Variants in GNG4 observed in about 807,000 individuals in gnomAD.
The protein encoded by GNG4 is guanine nucleotide-binding protein G(I)/G(S)/G(O) subunit gamma-4.
GNG4 carries 4 observed loss-of-function variants against 5.8 expected under a neutral mutation model. The observed-to-expected ratio is 0.69, with a 90% confidence interval of 0.34 to 1.57. The LOEUF (loss-of-function observed/expected upper bound fraction) is 1.57, where lower values mean the gene tolerates loss of function less well. Ranked by LOEUF, GNG4 falls within the 40% of genes most tolerant of loss-of-function variation. The probability of loss-of-function intolerance (pLI) is 0.06; values close to 1 mark genes in which losing one functional copy is unlikely to be tolerated. For synonymous variants in GNG4, 29 were observed against 32.9 expected (o/e 0.88, Z 0.41); for missense variants, 96 against 95.1 (o/e 1.01, Z -0.04).
At chr1:235,635,226 C>T (rs1046686181) in intron 1 of GNG4, among the ~76,000 whole-genome samples, 1 of 152,006 alleles carries the variant, frequency 6.6e-6, no homozygotes, top group Non-Finnish European at 1.5e-5. Context: ...TTTGGATATC[C>T]AAATCTCATA....
chr1:235,585,148 TCTTC>T (rs1185933590), intron 2 of GNG4, among the ~76,000 whole-genome samples: 1 of 151,656 alleles, frequency 6.6e-6, no homozygotes, highest in East Asian at 1.9e-4. Flanking sequence ...CTCCCTCTGG[TCTTC>T]CTTCCTTCCC....
At chr1:235,611,656 T>A (rs1688476470) in intron 1 of GNG4, among the ~76,000 whole-genome samples, 1 of 152,152 alleles carries the variant, frequency 6.6e-6, no homozygotes, top group South Asian at 2.1e-4. Flanking sequence ...TTTAGCATAT[T>A]TGAGAAGGGG....
intron 1 of GNG4, among the ~76,000 whole-genome samples, chr1:235,643,741 T>C (rs1007382694): frequency 1.3e-5 from 2 of 152,032 alleles, no homozygotes; most frequent in African/African-American, 4.8e-5. Flanking sequence ...ACCAGGAAGA[T>C]CACAGTGAGA....
rs1571904335 is a variant in GNG4, at chr1:235,596,155, C to T, written c.-122-644G>A. ...CTCCACTGCACTCCAGCCTGGGTGA[C>T]AGAGCGAGACTCTGTCTCAAAAACA... On this transcript the variant is annotated intron_variant, in intron 1 of 3. Coordinates refer to ENST00000391854, the MANE Select transcript of GNG4 (RefSeq NM_001098722.2). 3.3e-5 allele frequency among the ~76,000 whole-genome samples: 5 copies of T among 149,452 alleles called. No individual in the cohort carries two copies. The South Asian group carries it at 1.1e-3, about 32-fold the overall frequency.
chr1:235,576,188 G>A (rs1687479771), intron 3 of GNG4, among the ~76,000 whole-genome samples: 1 of 151,076 alleles, frequency 6.6e-6, no homozygotes, highest in Non-Finnish European at 1.5e-5. Context: ...AGCCTCCCAA[G>A]TAGCTGGGAC....
chr1:235,623,342 G>A (rs74148729), intron 1 of GNG4, among the ~76,000 whole-genome samples: 8,180 of 152,164 alleles, frequency 0.054, 446 homozygotes, highest in African/African-American at 0.14. Flanking sequence ...CTACCTGCAC[G>A]GCCACCGCTG....
chr1:235,596,889 A>AT (rs1688136640), intron 1 of GNG4, among the ~76,000 whole-genome samples: 1 of 151,520 alleles, frequency 6.6e-6, no homozygotes. Flanking sequence ...TGCCTGGCTA[A>AT]TTTTTACTTT....
chr1:235,593,265 G>A (rs1688024378), intron 2 of GNG4, among the ~76,000 whole-genome samples: 1 of 152,132 alleles, frequency 6.6e-6, no homozygotes, highest in East Asian at 1.9e-4. Flanking sequence ...GTAAAATTCT[G>A]ATGGGCTGCA....
At chr1:235,590,179 G>A (rs933927467) in intron 2 of GNG4, among the ~76,000 whole-genome samples, 1 of 152,088 alleles carries the variant, frequency 6.6e-6, no homozygotes, top group Non-Finnish European at 1.5e-5. Context: ...GAGAGGCTGG[G>A]TGTGGTGGCT....
intron 3 of GNG4, among the ~76,000 whole-genome samples, chr1:235,570,453 A>G (rs981229493): frequency 1.4e-4 from 20 of 146,716 alleles, no homozygotes; most frequent in Admixed American, 1.4e-4. Context: ...CTAGAGTGCA[A>G]TGGCATGACC....
intron 3 of GNG4, among the ~76,000 whole-genome samples, chr1:235,579,294 G>A (rs759712110): frequency 3.3e-5 from 5 of 151,800 alleles, no homozygotes; most frequent in African/African-American, 4.8e-5. Flanking sequence ...ATTCCACAAT[G>A]TATGCCTATG....
At chr1:235,573,523 A>G (rs930894842) in intron 3 of GNG4, among the ~76,000 whole-genome samples, 4 of 152,172 alleles carry the variant, frequency 2.6e-5, no homozygotes, top group African/African-American at 9.7e-5. Flanking sequence ...CACACCTGTA[A>G]TCCCAACACT....
At chr1:235,620,528 G>A (rs546569251) in intron 1 of GNG4, among the ~76,000 whole-genome samples, 8,022 of 150,572 alleles carry the variant, frequency 0.053, 422 homozygotes, top group African/African-American at 0.15. Context: ...TGTGCAGTTT[G>A]TTTGTTTGTT....
intron 3 of GNG4, among the ~76,000 whole-genome samples, chr1:235,567,967 C>G (rs1213598174): frequency 6.6e-6 from 1 of 152,122 alleles, no homozygotes; most frequent in African/African-American, 2.4e-5. Flanking sequence ...TAACCACAAA[C>G]AGGCCCTTGC....
Position 235,648,785 on chromosome 1 carries a change from G to C in GNG4, c.-123+877C>G, listed in dbSNP as rs959137854. ...GGGAGGCGACGGGTAGAGGAGAGAC[G>C]CGGCAGCCGCGGGGCCGGGGAGACG... is the stretch of plus-strand genomic sequence containing the variant. On this transcript the variant is annotated intron_variant, in intron 1 of 3. Transcript: ENST00000391854. This position sits in a 1 kb window ranked among gnomAD's most constrained non-coding sequence, Gnocchi z 5.0. Among the ~76,000 whole-genome samples, 3 of 152,238 alleles carry C rather than the reference G, an allele frequency of 2.0e-5. No individual in the cohort carries two copies. The highest frequency in any genetic ancestry group is 7.2e-5 in the African/African-American group (3 of 41,464).
At chr1:235,636,697 C>G (rs1689045959) in intron 1 of GNG4, among the ~76,000 whole-genome samples, 1 of 152,152 alleles carries the variant, frequency 6.6e-6, no homozygotes, top group Admixed American at 6.5e-5. Context: ...CCGATGAACC[C>G]CCAAAGCAGG....
chr1:235,641,992 A>G (rs761455447), intron 1 of GNG4, among the ~76,000 whole-genome samples: 1 of 152,264 alleles, frequency 6.6e-6, no homozygotes, highest in Non-Finnish European at 1.5e-5. Context: ...CCACCGTAAC[A>G]GAACTTCCAT....
At position 235,552,660 on chromosome 1, in the gene GNG4, A is replaced by G. The variant is rs185956939; in HGVS notation, c.100-423T>C. Among the ~76,000 whole-genome samples the G allele has an allele frequency of 7.9e-4, 120 of 152,342 alleles. 2 individuals are homozygous for G. The highest frequency in any genetic ancestry group is 2.5e-3 in the African/African-American group (104 of 41,574). ...TATCATTATTAGTTGTTTTATTGCAATCCACTCTTGTGACCAACACAGAGA... is the reference window on the plus strand; with the variant it reads ...TATCATTATTAGTTGTTTTATTGCAGTCCACTCTTGTGACCAACACAGAGA... On this transcript the variant is annotated intron_variant, in intron 3 of 3. Transcript: ENST00000391854.
In GNG4 at chr1:235,642,079, A is replaced by G. The variant is rs765698106; in HGVS notation, c.-123+7583T>C. Among the ~76,000 whole-genome samples the G allele has an allele frequency of 6.6e-6, 1 of 152,222 alleles. No homozygotes were observed. The highest frequency in any genetic ancestry group is 1.5e-5 in the Non-Finnish European group (1 of 68,044). On this transcript the variant is annotated intron_variant, in intron 1 of 3. Coordinates refer to ENST00000391854, the MANE Select transcript of GNG4 (RefSeq NM_001098722.2). The surrounding 1 kb of genome is among the most constrained non-coding windows in gnomAD (Gnocchi z 4.3). ...TAGAGCTTCCAACGTACAGTGCGGA[A>G]AAGCAACATAACACACTAAGAACCG... is the stretch of plus-strand genomic sequence containing the variant.
Sources: allele counts gnomAD v4.1 joint callset (sites outside exome capture counted in the v4.1 genomes callset), GRCh38; gene constraint gnomAD v4.1.1; non-coding constraint Gnocchi (gnomAD v3.1); transcripts MANE v1.5; gene names NCBI Gene and HGNC (gene_info 2026-07-23, HGNC 2026-07-21).